The following SMAD9 variants were observed in gnomAD, a reference collection of about 807,000 sequenced individuals.
SMAD9 encodes the protein SMAD family member 9.
SMAD9 carries 36 observed loss-of-function variants against 46.1 expected under a neutral mutation model. The observed-to-expected ratio is 0.78, with a 90% CI of 0.60 to 1.03. The LOEUF (loss-of-function observed/expected upper bound fraction) is 1.03, where lower values mean the gene tolerates loss of function less well. Ranked by LOEUF, SMAD9 falls within the 50% of genes least tolerant of loss-of-function variation. The pLI, the probability that SMAD9 is intolerant of heterozygous loss-of-function variation, is 0.00. For missense variants in SMAD9, 572 were observed against 599.8 expected (o/e 0.95, Z 0.48); for synonymous variants, 245 against 237.1 (o/e 1.03, Z -0.31).
chr13:36,854,431 G>A (rs566857631), intron 5 of SMAD9, among the ~76,000 whole-genome samples: 5 of 151,786 alleles, frequency 3.3e-5, no homozygotes, highest in South Asian at 2.1e-4. Context: ...GCAGTGGCAC[G>A]ATTTCAGCTC....
intron 3 of SMAD9, among the ~76,000 whole-genome samples, chr13:36,869,608 G>A (rs1196609138): frequency 6.6e-6 from 1 of 152,048 alleles, no homozygotes; most frequent in Non-Finnish European, 1.5e-5. Context: ...CGAGGCGGGT[G>A]GATCACCTGA....
intron 5 of SMAD9, 125 bp from the exon 6 acceptor site, chr13:36,853,800 G>A: frequency 1.1e-6 from 1 of 927,190 alleles, no homozygotes; most frequent in Non-Finnish European, 1.7e-6. Flanking sequence ...TCAGATGAAT[G>A]AGATGTGTGA....
intron 2 of SMAD9, among the ~76,000 whole-genome samples, chr13:36,874,130 C>G (rs996353086): frequency 6.6e-6 from 1 of 152,092 alleles, no homozygotes; most frequent in Non-Finnish European, 1.5e-5. Flanking sequence ...AAGTTCCAGA[C>G]AGGGAAGCAA....
chr13:36,855,388 G>A (rs578125434), intron 5 of SMAD9, among the ~76,000 whole-genome samples: 5 of 151,728 alleles, frequency 3.3e-5, no homozygotes, highest in East Asian at 1.9e-4. Flanking sequence ...AATGTATAGC[G>A]AGGGACTGAT....
In SMAD9 at chr13:36,879,510, G is replaced by C; in HGVS notation, c.180C>G (p.Ser60Arg). ...GAMDELERAL[S>R]CPGQPSKCVT... ...CGCATTTGCTGGGCTGCCCCGGGCA[G>C]CTGAGAGCCCTCTCCAGCTCGTCCA... is the stretch of plus-strand genomic sequence containing the variant. Residue 60 changes from serine to arginine, a missense_variant, in exon 2 of 7, where the codon AGC becomes AGG. Ser to Arg is a moderately radical substitution (Grantham distance 110). Transcript: ENST00000379826. 6.2e-7 allele frequency: 1 copy of C among 1,614,142 alleles called. No homozygotes were observed. Among genetic ancestry groups the C allele is most frequent in the South Asian group, 1.1e-5 (1 of 91,090 alleles).
chr13:36,879,240 C>G, intron 2 of SMAD9, 38 bp downstream of exon 2: 1 of 1,591,536 alleles, frequency 6.3e-7, no homozygotes, highest in South Asian at 1.1e-5. Flanking sequence ...ACGACCTTCA[C>G]TCTGAAAATA....
Position 36,848,647 on chromosome 13 carries a change from C to G in SMAD9, c.*29G>C, listed in dbSNP as rs765586275. 1 of 1,611,254 alleles carries G rather than the reference C, an allele frequency of 6.2e-7. No individual in the cohort carries two copies. Among genetic ancestry groups the G allele is most frequent in the East Asian group, 2.2e-5 (1 of 44,874 alleles). On this transcript the variant is annotated 3_prime_UTR_variant, in exon 7 of 7. Coordinates refer to ENST00000379826, the MANE Select transcript of SMAD9 (RefSeq NM_001127217.3). ...GCCACTCCCTGCAATAGCCTCTATC[C>G]TATGGAAATGCAGCTTAAGACATGA... is the stretch of plus-strand genomic sequence containing the variant.
chr13:36,902,602 C>T (rs994058515), intron 1 of SMAD9, among the ~76,000 whole-genome samples: 3 of 151,840 alleles, frequency 2.0e-5, no homozygotes, highest in Non-Finnish European at 4.4e-5. Context: ...TATAGGTGCC[C>T]GCCACCACGC....
In SMAD9 at chr13:36,885,086, G is replaced by A. The variant is rs539284230; in HGVS notation, c.-186-5211C>T. ...ATTAAGTATACCTTGGTATCTATAAGACAGTTTACTAACCAATTTAGAAAG... is the reference window on the plus strand; with the variant it reads ...ATTAAGTATACCTTGGTATCTATAAAACAGTTTACTAACCAATTTAGAAAG... On this transcript the variant is annotated intron_variant, in intron 1 of 6. Transcript: ENST00000379826. Among the ~76,000 whole-genome samples, 59 of 152,216 alleles carry A rather than the reference G, an allele frequency of 3.9e-4. 1 individual carries two copies. In the South Asian group the frequency reaches 8.5e-3, roughly 22 times the overall value.
intron 3 of SMAD9, among the ~76,000 whole-genome samples, chr13:36,869,695 G>A (rs899190217): frequency 3.9e-5 from 6 of 152,100 alleles, no homozygotes; most frequent in African/African-American, 1.4e-4. Flanking sequence ...CGGGTGTGGT[G>A]GCACATGTCT....
chr13:36,871,538 A>AT (rs1380907068), intron 3 of SMAD9, among the ~76,000 whole-genome samples: 2 of 152,146 alleles, frequency 1.3e-5, no homozygotes, highest in African/African-American at 4.8e-5. Context: ...ATAAAAAATA[A>AT]AAATAAATAA....
Position 36,848,127 on chromosome 13 carries a change from G to A in SMAD9, c.*549C>T, listed in dbSNP as rs1276631867. On this transcript the variant is annotated 3_prime_UTR_variant, in exon 7 of 7. Coordinates refer to ENST00000379826, the MANE Select transcript of SMAD9 (RefSeq NM_001127217.3). ...TATGAGCACAGGAGCCCAGCTATAG[G>A]TATGTCAACCTTAGAAATAAAGTTT... The A allele has an allele frequency of 1.9e-5, 3 of 154,944 alleles. No individual in the cohort carries two copies. The highest frequency in any genetic ancestry group is 4.3e-5 in the Non-Finnish European group (3 of 69,930). The allele number at this position is 154,944 out of a possible 1,614,324, so 9.6% of individuals were successfully genotyped here.
rs771950271 is a variant in SMAD9, at chr13:36,853,388, A to G, written c.1260+31T>C. 6.2e-6 allele frequency: 10 copies of G among 1,612,074 alleles called. No homozygotes were observed. In the African/African-American group the frequency reaches 1.1e-4, roughly 17 times the overall value. On this transcript the variant is annotated intron_variant, in intron 6 of 6. Coordinates refer to ENST00000379826, the MANE Select transcript of SMAD9 (RefSeq NM_001127217.3). ...TTTTTTGTTTTGTTTTTCACTGAAC[A>G]TTTTATAACGTGATAGCAAGCACTC...
chr13:36,881,724 A>G (rs2058404285), intron 1 of SMAD9, among the ~76,000 whole-genome samples: 1 of 152,234 alleles, frequency 6.6e-6, no homozygotes, highest in African/African-American at 2.4e-5. Context: ...GTGGCTTAAC[A>G]ATCATGAATT....
intron 5 of SMAD9, among the ~76,000 whole-genome samples, chr13:36,858,088 A>T (rs2058144008): frequency 6.6e-6 from 1 of 152,236 alleles, no homozygotes; most frequent in Non-Finnish European, 1.5e-5. Context: ...GATGAAAAAG[A>T]ACGGCACAGA....
At chr13:36,888,627 C>T (rs1003171856) in intron 1 of SMAD9, among the ~76,000 whole-genome samples, 3 of 152,144 alleles carry the variant, frequency 2.0e-5, no homozygotes, top group Non-Finnish European at 4.4e-5. Context: ...AAAAATATCA[C>T]TGCAATCAAC....
intron 1 of SMAD9, among the ~76,000 whole-genome samples, chr13:36,903,268 G>C (rs1233032494): frequency 6.6e-6 from 1 of 151,630 alleles, no homozygotes; most frequent in Non-Finnish European, 1.5e-5. Context: ...CTGGGATTAC[G>C]GGCACGCGCC....
intron 2 of SMAD9, among the ~76,000 whole-genome samples, chr13:36,875,364 G>C (rs1490256742): frequency 1.3e-5 from 2 of 152,120 alleles, no homozygotes; most frequent in East Asian, 3.8e-4. Flanking sequence ...AATAAACTAA[G>C]AAGGGTAAAT....
chr13:36,890,466 T>C (rs1307072103), intron 1 of SMAD9, among the ~76,000 whole-genome samples: 2 of 152,252 alleles, frequency 1.3e-5, no homozygotes, highest in East Asian at 1.9e-4. Context: ...AGTAATATTT[T>C]ATTGACGTAG....
Sources: gnomAD v4.1 joint callset for allele counts (sites outside exome capture counted in the v4.1 genomes callset) on GRCh38, gnomAD v4.1.1 for gene constraint, MANE v1.5 for transcripts, NCBI Gene and HGNC (gene_info 2026-07-23, HGNC 2026-07-21) for gene names.